Variants in DIRAS2 observed in about 807,000 individuals in gnomAD.
DIRAS2 encodes GTP-binding protein Di-Ras2.
A neutral mutation model predicts 13.9 loss-of-function variants in DIRAS2; 5 were observed. That is an observed-to-expected ratio of 0.36 (90% CI 0.19 to 0.76). DIRAS2 has a LOEUF of 0.76. Ranked by LOEUF, DIRAS2 falls within the 30% of genes least tolerant of loss-of-function variation. The pLI is 0.53. For missense variants in DIRAS2, 191 were observed against 263.0 expected (o/e 0.73, Z 1.89); for synonymous variants, 111 against 105.4 (o/e 1.05, Z -0.33).
At chr9:90,617,219 T>G (rs1449206168) in intron 1 of DIRAS2, among the ~76,000 whole-genome samples, 1 of 152,130 alleles carries the variant, frequency 6.6e-6, no homozygotes, top group African/African-American at 2.4e-5. Context: ...GAGAAGCAGC[T>G]TTAGAGAAAT....
At chr9:90,628,611 G>A (rs902703795) in intron 1 of DIRAS2, among the ~76,000 whole-genome samples, 4 of 150,082 alleles carry the variant, frequency 2.7e-5, no homozygotes, top group African/African-American at 4.9e-5. Context: ...AGTGCCTCAC[G>A]CATGGCTCAC....
chr9:90,636,799 GT>G (rs1483554800), intron 1 of DIRAS2, among the ~76,000 whole-genome samples: 2 of 152,204 alleles, frequency 1.3e-5, no homozygotes, highest in African/African-American at 4.8e-5. Flanking sequence ...TATACACAGT[GT>G]TTCATGTACA....
At chr9:90,619,032 A>G (rs939071517) in intron 1 of DIRAS2, among the ~76,000 whole-genome samples, 5 of 152,142 alleles carry the variant, frequency 3.3e-5, no homozygotes, top group Non-Finnish European at 7.4e-5. Context: ...CCAGCTACTC[A>G]GGAGGCTGAG....
intron 1 of DIRAS2, among the ~76,000 whole-genome samples, chr9:90,618,932 A>G (rs1347582088): frequency 1.3e-5 from 2 of 152,142 alleles, no homozygotes; most frequent in African/African-American, 4.8e-5. Context: ...TCACAAGATC[A>G]AGAGATCAAG....
intron 1 of DIRAS2, among the ~76,000 whole-genome samples, chr9:90,626,573 C>T (rs1345068168): frequency 6.6e-6 from 1 of 151,984 alleles, no homozygotes; most frequent in South Asian, 2.1e-4. Flanking sequence ...TGAAGTACTA[C>T]AATGAAGTAC....
Position 90,613,802 on chromosome 9 carries a change from C to T in DIRAS2, c.26G>A (p.Arg9Gln). 1.2e-6 allele frequency: 2 copies of T among 1,613,464 alleles called. No individual in the cohort carries two copies. The highest frequency in any genetic ancestry group is 1.1e-5 in the South Asian group (1 of 90,948). Residue 9 changes from arginine (R) to glutamine (Q), a missense_variant, in exon 2 of 2, where the codon CGG becomes CAG. Coordinates refer to ENST00000375765, the MANE Select transcript of DIRAS2 (RefSeq NM_017594.5). The surrounding 1 kb of genome is among the most constrained non-coding windows in gnomAD (Gnocchi z 5.6). The part of the protein sequence containing the change: MPEQSNDY[R>Q]VAVFGAGGVG... ...ACCGCCAGCCCCAAACACGGCCACC[C>T]GGTAATCGTTACTCTGCTCAGGCAT...
At chr9:90,628,169 G>A (rs1180428359) in intron 1 of DIRAS2, among the ~76,000 whole-genome samples, 1 of 152,168 alleles carries the variant, frequency 6.6e-6, no homozygotes, top group Non-Finnish European at 1.5e-5. Flanking sequence ...CTGACTGTGT[G>A]AAGCCATCAC....
At chr9:90,632,379 G>A (rs1825333312) in intron 1 of DIRAS2, among the ~76,000 whole-genome samples, 1 of 152,062 alleles carries the variant, frequency 6.6e-6, no homozygotes, top group South Asian at 2.1e-4. Flanking sequence ...CCACTACCCA[G>A]ACCCTCTTCC....
At position 90,633,358 on chromosome 9, in the gene DIRAS2, T is replaced by C. The variant is rs527937612; in HGVS notation, c.-37+9394A>G. On this transcript the variant is annotated intron_variant, in intron 1 of 1. Transcript: ENST00000375765. ...AGAGAAAATTCCTAAGGTTTCCAAC[T>C]TACAGAACTGCATAGCTAGGATGAG... 2.6e-5 allele frequency among the ~76,000 whole-genome samples: 4 copies of C among 152,310 alleles called. No homozygotes were observed. In the South Asian group the frequency reaches 8.3e-4, roughly 32 times the overall value.
chr9:90,634,474 C>A (rs1354529512), intron 1 of DIRAS2, among the ~76,000 whole-genome samples: 1 of 152,214 alleles, frequency 6.6e-6, no homozygotes, highest in Non-Finnish European at 1.5e-5. Flanking sequence ...GAGCTCTTGG[C>A]AGGCTTCCAG....
At chr9:90,614,724 T>A (rs1484282600) in intron 1 of DIRAS2, among the ~76,000 whole-genome samples, 1 of 152,192 alleles carries the variant, frequency 6.6e-6, no homozygotes, top group Non-Finnish European at 1.5e-5. Context: ...AAAATTAAGA[T>A]GATTATATAA....
chr9:90,615,544 A>G (rs964481521), intron 1 of DIRAS2, among the ~76,000 whole-genome samples: 5 of 152,212 alleles, frequency 3.3e-5, no homozygotes, highest in Admixed American at 3.3e-4. Flanking sequence ...TTTTAAAAAA[A>G]CTCAATCGTG....
At position 90,613,085 on chromosome 9, in the gene DIRAS2, T is replaced by C; in HGVS notation, c.*143A>G. 1 of 1,259,100 alleles carries C rather than the reference T, an allele frequency of 7.9e-7. No individual in the cohort carries two copies. The highest frequency in any genetic ancestry group is 1.1e-6 in the Non-Finnish European group (1 of 918,846). 78.0% of individuals were successfully genotyped at this position (1,259,100 alleles called of 1,614,324 possible). A position where few individuals can be genotyped will look rare whatever the true frequency, so the allele number is the denominator to read the frequency against. ...TTACTGTTGGTGGTGTGAAACGCCC[T>C]CTTAAGGACAATAGGACGCATCTCG... On this transcript the variant is annotated 3_prime_UTR_variant, in exon 2 of 2. Transcript: ENST00000375765. This position sits in a 1 kb window ranked among gnomAD's most constrained non-coding sequence, Gnocchi z 5.6.
At chr9:90,628,520 T>TAC (rs1449195582) in intron 1 of DIRAS2, among the ~76,000 whole-genome samples, 5 of 81,960 alleles carry the variant, frequency 6.1e-5, no homozygotes, top group African/African-American at 1.3e-4. Context: ...AAACAAAATT[T>TAC]ATACACACAC....
At chr9:90,626,654 A>C (rs1018109016) in intron 1 of DIRAS2, among the ~76,000 whole-genome samples, 1 of 152,194 alleles carries the variant, frequency 6.6e-6, no homozygotes, top group Non-Finnish European at 1.5e-5. Flanking sequence ...GATAGAGAGA[A>C]ACTGAAACCC....
At chr9:90,628,190 G>A (rs1198624326) in intron 1 of DIRAS2, among the ~76,000 whole-genome samples, 1 of 152,204 alleles carries the variant, frequency 6.6e-6, no homozygotes, top group Middle Eastern at 3.4e-3. Flanking sequence ...TATTAGCCAC[G>A]GCATCTAACA....
In DIRAS2 at chr9:90,612,021, A is replaced by G. The variant is rs185822532; in HGVS notation, c.*1207T>C. 28 of 152,536 alleles carry G rather than the reference A, an allele frequency of 1.8e-4. No individual in the cohort carries two copies. The highest frequency in any genetic ancestry group is 6.7e-4 in the African/African-American group (28 of 41,592). 9.4% of individuals were successfully genotyped at this position (152,536 alleles called of 1,614,324 possible). On this transcript the variant is annotated 3_prime_UTR_variant, in exon 2 of 2. Transcript: ENST00000375765. ...GGCTTGAAAGATTAAAGATGCACAC[A>G]AAATCATTAAGAGAAAAAGATAATT... is the stretch of plus-strand genomic sequence containing the variant.
chr9:90,632,259 C>A (rs1267326411), intron 1 of DIRAS2, among the ~76,000 whole-genome samples: 4 of 152,174 alleles, frequency 2.6e-5, no homozygotes, highest in African/African-American at 9.7e-5. Context: ...CCACACCTTA[C>A]CCTCATTCCC....
chr9:90,621,522 T>A (rs1192189511), intron 1 of DIRAS2, among the ~76,000 whole-genome samples: 1 of 152,180 alleles, frequency 6.6e-6, no homozygotes, highest in African/African-American at 2.4e-5. Context: ...TGCATTTTAA[T>A]AATTTTTTAT....
Sources: allele counts gnomAD v4.1 joint callset (sites outside exome capture counted in the v4.1 genomes callset), GRCh38; gene constraint gnomAD v4.1.1; non-coding constraint Gnocchi (gnomAD v3.1); transcripts MANE v1.5; gene names NCBI Gene and HGNC (gene_info 2026-07-23, HGNC 2026-07-21).